The following SEMA3E variants were observed in gnomAD, a reference collection of about 807,000 sequenced individuals.
The protein encoded by SEMA3E is semaphorin-3E.
In SEMA3E, 49 loss-of-function variants were observed where a neutral mutation model predicts 93.6. The observed-to-expected ratio is 0.52, with a 90% CI of 0.42 to 0.66. The LOEUF (loss-of-function observed/expected upper bound fraction) is 0.66. Among genes scored for constraint, SEMA3E ranks in the 30% least tolerant of loss-of-function variants. The pLI is 0.00. For missense variants in SEMA3E, 906 were observed against 964.8 expected, an observed-to-expected ratio of 0.94 and a Z score of 0.81; for synonymous variants, 363 against 330.7, an observed-to-expected ratio of 1.10 and a Z score of -1.06.
chr7:83,550,601 C>A (rs550003220), intron 1 of SEMA3E, among the ~76,000 whole-genome samples: 6 of 152,116 alleles, frequency 3.9e-5, no homozygotes, highest in African/African-American at 1.4e-4. Context: ...AAACACATGC[C>A]ATTTAAAGAG....
At chr7:83,627,451 A>G (rs1793692944) in intron 1 of SEMA3E, among the ~76,000 whole-genome samples, 1 of 151,724 alleles carries the variant, frequency 6.6e-6, no homozygotes, top group African/African-American at 2.4e-5. Flanking sequence ...TTAGATGCAG[A>G]TATATTTAGG....
intron 1 of SEMA3E, among the ~76,000 whole-genome samples, chr7:83,501,173 A>G (rs562492277): frequency 2.5e-4 from 38 of 152,320 alleles, no homozygotes; most frequent in Admixed American, 2.4e-3. Flanking sequence ...TTACTTCATC[A>G]TTAATTCACA....
At chr7:83,625,834 C>T (rs1793658888) in intron 1 of SEMA3E, among the ~76,000 whole-genome samples, 1 of 151,982 alleles carries the variant, frequency 6.6e-6, no homozygotes, top group Non-Finnish European at 1.5e-5. Flanking sequence ...ATGATACTGG[C>T]TGTGGGTTTG....
intron 1 of SEMA3E, among the ~76,000 whole-genome samples, chr7:83,605,622 G>A (rs200167755): frequency 2.6e-5 from 4 of 151,950 alleles, no homozygotes; most frequent in African/African-American, 7.3e-5. Context: ...TAGAGTTGGG[G>A]TTTCACCATG....
chr7:83,427,510 C>A (rs1291847139), intron 4 of SEMA3E, among the ~76,000 whole-genome samples: 1 of 151,992 alleles, frequency 6.6e-6, no homozygotes, highest in Non-Finnish European at 1.5e-5. Flanking sequence ...GAAAATTTAC[C>A]ATAGACTACA....
intron 1 of SEMA3E, among the ~76,000 whole-genome samples, chr7:83,498,247 T>C (rs974736493): frequency 6.6e-6 from 1 of 152,160 alleles, no homozygotes; most frequent in Non-Finnish European, 1.5e-5. Flanking sequence ...AGGTTATATA[T>C]ACTCCAGCTT....
intron 4 of SEMA3E, among the ~76,000 whole-genome samples, chr7:83,461,042 G>T (rs183616085): frequency 1.3e-5 from 2 of 151,944 alleles, no homozygotes; most frequent in African/African-American, 4.8e-5. Flanking sequence ...CTGCCATGCC[G>T]CTTGACCCCA....
intron 1 of SEMA3E, among the ~76,000 whole-genome samples, chr7:83,553,611 G>T (rs754098908): frequency 1.3e-5 from 2 of 152,070 alleles, no homozygotes; most frequent in Admixed American, 6.5e-5. Context: ...ATATACGGAT[G>T]AATAAATGAA....
At chr7:83,519,584 T>C (rs1280387696) in intron 1 of SEMA3E, among the ~76,000 whole-genome samples, 2 of 152,114 alleles carry the variant, frequency 1.3e-5, no homozygotes, top group Non-Finnish European at 2.9e-5. Flanking sequence ...TCAAGATTCA[T>C]ACCAAACTCT....
At chr7:83,388,146 T>C in intron 14 of SEMA3E, among the ~76,000 whole-genome samples, 1 of 148,068 alleles carries the variant, frequency 6.8e-6, no homozygotes, top group South Asian at 2.1e-4. Context: ...CCGTGTCTAC[T>C]AAAAATACAA....
chr7:83,545,552 G>GAAAAAAAAAAAAAAAAAA (rs3068645), intron 1 of SEMA3E, among the ~76,000 whole-genome samples: 2 of 86,460 alleles, frequency 2.3e-5, no homozygotes, highest in African/African-American at 5.0e-5. Flanking sequence ...GAAGAGAAAT[G>GAAAAAAAAAAAAAAAAAA]AAAAAAAAAA....
At chr7:83,368,351 G>GA (rs1353939207) in intron 16 of SEMA3E, among the ~76,000 whole-genome samples, 2 of 152,032 alleles carry the variant, frequency 1.3e-5, no homozygotes, top group East Asian at 1.9e-4. Flanking sequence ...TTAATCATTA[G>GA]AAAAAATACA....
chr7:83,471,806 A>C (rs550752501), intron 2 of SEMA3E, among the ~76,000 whole-genome samples: 5 of 152,316 alleles, frequency 3.3e-5, no homozygotes, highest in African/African-American at 1.2e-4. Flanking sequence ...GTAGAATACT[A>C]AAAAATAAGG....
At chr7:83,368,269 T>A (rs1056187857) in intron 16 of SEMA3E, among the ~76,000 whole-genome samples, 1 of 150,784 alleles carries the variant, frequency 6.6e-6, no homozygotes, top group Non-Finnish European at 1.5e-5. Context: ...GGTGGTCACT[T>A]CATATCAATG....
chr7:83,561,922 GA>G (rs1792037321), intron 1 of SEMA3E, among the ~76,000 whole-genome samples: 1 of 152,034 alleles, frequency 6.6e-6, no homozygotes, highest in African/African-American at 2.4e-5. Context: ...TTTGGCCACA[GA>G]AGCCCTTTTG....
chr7:83,386,315 T>C (rs150641669), intron 15 of SEMA3E, among the ~76,000 whole-genome samples: 145 of 152,246 alleles, frequency 9.5e-4, no homozygotes, highest in African/African-American at 3.3e-3. Flanking sequence ...ATTTATGGTG[T>C]CCCTTCTTAT....
At position 83,436,281 on chromosome 7, in the gene SEMA3E, GTCTGA is replaced by G. The variant is rs537479494; in HGVS notation, c.457-17803_457-17799del. Among the ~76,000 whole-genome samples, 123 of 151,732 alleles carry G rather than the reference GTCTGA, an allele frequency of 8.1e-4. 1 individual carries two copies. The highest frequency in any genetic ancestry group is 2.7e-3 in the African/African-American group (113 of 41,450). On this transcript the variant is annotated intron_variant, in intron 4 of 16. Coordinates refer to ENST00000643230, the MANE Select transcript of SEMA3E (RefSeq NM_012431.3). The stretch of plus-strand genomic sequence containing the variant: ...GGCATAATAAGAAAATAAAAATGTT[GTCTGA>G]TCTAATAAACTAGTAAGAAGAAAAT...
At chr7:83,612,279 T>G in intron 1 of SEMA3E, among the ~76,000 whole-genome samples, 1 of 152,146 alleles carries the variant, frequency 6.6e-6, no homozygotes, top group Non-Finnish European at 1.5e-5. Context: ...GGGCAGGAAA[T>G]TTGTCTGTTT....
At chr7:83,465,682 CT>C (rs1376916198) in intron 4 of SEMA3E, among the ~76,000 whole-genome samples, 15 of 152,182 alleles carry the variant, frequency 9.9e-5, no homozygotes, top group African/African-American at 2.9e-4. Context: ...TTATCTGTGC[CT>C]TGTCTTAATG....
Sources: gnomAD v4.1 joint callset for allele counts (sites outside exome capture counted in the v4.1 genomes callset) on GRCh38, gnomAD v4.1.1 for gene constraint, MANE v1.5 for transcripts, NCBI Gene and HGNC (gene_info 2026-07-23, HGNC 2026-07-21) for gene names.